Variants in PTK2 observed in about 807,000 individuals in gnomAD.
PTK2 encodes the protein protein tyrosine kinase 2.
In PTK2, 45 loss-of-function variants were observed where a neutral mutation model predicts 150.1. The ratio of observed to expected loss-of-function variants is 0.30; its 90% CI spans 0.24 to 0.38. The LOEUF is 0.38. Ranked by LOEUF, PTK2 falls within the 10% of genes least tolerant of loss-of-function variation. The pLI is 1.00. For missense variants in PTK2, 919 were observed against 1,307.3 expected, an observed-to-expected ratio of 0.70 and a Z score of 4.58; for synonymous variants, 432 against 449.2, an observed-to-expected ratio of 0.96 and a Z score of 0.48.
chr8:140,954,374 C>T (rs1326996259), intron 1 of PTK2, among the ~76,000 whole-genome samples: 1 of 152,180 alleles, frequency 6.6e-6, no homozygotes, highest in Non-Finnish European at 1.5e-5. Flanking sequence ...CCGGCCGTAA[C>T]TTAGTATCCT....
intron 1 of PTK2, among the ~76,000 whole-genome samples, chr8:140,944,782 T>C (rs563264438): frequency 5.3e-5 from 8 of 152,330 alleles, no homozygotes; most frequent in African/African-American, 1.4e-4. Flanking sequence ...AGAAGTCCCA[T>C]GCATTTACAC....
intron 22 of PTK2, among the ~76,000 whole-genome samples, chr8:140,732,370 CA>C (rs1268233156): frequency 1.3e-4 from 20 of 152,204 alleles, no homozygotes; most frequent in Admixed American, 1.3e-3. Flanking sequence ...AATTATACTA[CA>C]GGTACCTATT....
At chr8:140,669,505 A>C (rs886803311) in intron 29 of PTK2, 1 of 523,184 alleles carries the variant, frequency 1.9e-6, no homozygotes, top group Non-Finnish European at 3.3e-6. Flanking sequence ...TGGGTATGAG[A>C]TAGAAAAGCA....
At chr8:140,733,830 G>C (rs1370055156) in intron 22 of PTK2, among the ~76,000 whole-genome samples, 1 of 152,170 alleles carries the variant, frequency 6.6e-6, no homozygotes, top group African/African-American at 2.4e-5. Context: ...GTGTGTGAGA[G>C]TTATGGGGAC....
At chr8:140,767,424 A>G (rs1312805606) in intron 14 of PTK2, among the ~76,000 whole-genome samples, 1 of 136,402 alleles carries the variant, frequency 7.3e-6, no homozygotes, top group South Asian at 2.4e-4. Flanking sequence ...ATGATCTGCA[A>G]AAGTTTATAA....
rs780931637 is a variant in PTK2 at position 140,864,315 on chromosome 8, T to C, written c.447A>G (p.Gln149=). ...ATATGAAAGCAGTCTCTAATACCTG[T>C]TGATAGAAGAAATTCAAAGTTGGCT... is the stretch of plus-strand genomic sequence containing the variant. The change falls in exon 5 of 32, where the codon CAA becomes CAG. Residue 149 remains glutamine (Q), a synonymous_variant. Transcript: ENST00000522684. 9 of 1,575,080 alleles carry C rather than the reference T, an allele frequency of 5.7e-6. No homozygotes were observed. In the Admixed American group the frequency reaches 9.0e-5, roughly 16 times the overall value.
intron 4 of PTK2, among the ~76,000 whole-genome samples, chr8:140,873,880 C>T (rs117969008): frequency 3.3e-5 from 5 of 152,300 alleles, no homozygotes; most frequent in South Asian, 2.1e-4. Flanking sequence ...ATATCTTTTG[C>T]GGAATGTCCT....
chr8:140,860,386 C>T (rs1238270813), intron 5 of PTK2, among the ~76,000 whole-genome samples: 2 of 152,186 alleles, frequency 1.3e-5, no homozygotes, highest in African/African-American at 2.4e-5. Flanking sequence ...GTAAAGATGG[C>T]AGTCAACAGG....
At chr8:140,949,302 T>A (rs2154609049) in intron 1 of PTK2, among the ~76,000 whole-genome samples, 1 of 152,328 alleles carries the variant, frequency 6.6e-6, no homozygotes, top group East Asian at 1.9e-4. Context: ...TGGAAGCCAG[T>A]CTGGAGGGGC....
At chr8:140,725,886 A>T (rs2100045468) in intron 22 of PTK2, among the ~76,000 whole-genome samples, 1 of 151,802 alleles carries the variant, frequency 6.6e-6, no homozygotes, top group Non-Finnish European at 1.5e-5. Flanking sequence ...CATTCTCAAG[A>T]GGAAAAAAAA....
intron 30 of PTK2, 67 bp from the exon 35 acceptor site, chr8:140,665,064 T>A: frequency 7.2e-7 from 1 of 1,386,986 alleles, no homozygotes; most frequent in Non-Finnish European, 9.9e-7. Flanking sequence ...TTCAGTTATA[T>A]ATTTTTTTAT....
chr8:140,880,019 A>C (rs768206939), intron 3 of PTK2, among the ~76,000 whole-genome samples: 3 of 152,216 alleles, frequency 2.0e-5, no homozygotes, highest in Non-Finnish European at 4.4e-5. Context: ...TCTAAGGTCC[A>C]GACCCAAGGA....
intron 24 of PTK2, among the ~76,000 whole-genome samples, chr8:140,704,837 T>C (rs2154132018): frequency 6.6e-6 from 1 of 152,258 alleles, no homozygotes; most frequent in Non-Finnish European, 1.5e-5. Flanking sequence ...TGTGAGCTCC[T>C]TCCATGAGAA....
At chr8:140,713,989 A>T (rs2100038154) in intron 23 of PTK2, among the ~76,000 whole-genome samples, 1 of 152,182 alleles carries the variant, frequency 6.6e-6, no homozygotes, top group Admixed American at 6.5e-5. Context: ...CCTGGGCTCA[A>T]ACGATCCTCC....
At chr8:140,869,910 ACTTT>A (rs1290770235) in intron 4 of PTK2, among the ~76,000 whole-genome samples, 10 of 146,004 alleles carry the variant, frequency 6.8e-5, no homozygotes, top group South Asian at 2.3e-4. Context: ...ACAGTTGAAT[ACTTT>A]CTTTGAGATG....
intron 2 of PTK2, among the ~76,000 whole-genome samples, chr8:140,903,549 G>C (rs965937447): frequency 5.3e-5 from 8 of 152,132 alleles, no homozygotes; most frequent in African/African-American, 1.9e-4. Context: ...GAAAGTCAAT[G>C]GGAGCTTCAT....
rs1482441673 is a variant in PTK2 at position 140,715,175 on chromosome 8, T to A, written c.2142+2423A>T. Among the ~76,000 whole-genome samples, 30 of 129,930 alleles carry A rather than the reference T, an allele frequency of 2.3e-4. 1 individual carries two copies. The highest frequency in any genetic ancestry group is 4.2e-4 in the Non-Finnish European group (26 of 61,734). The allele number at this position is 129,930 out of a possible 152,430, so 85.2% of individuals were successfully genotyped here. A position where few individuals can be genotyped will look rare whatever the true frequency, so the allele number is the denominator to read the frequency against. On this transcript the variant is annotated intron_variant, in intron 23 of 31. Coordinates refer to ENST00000522684, the Ensembl canonical transcript of PTK2. ...AAACCGTTTTTTTTTTTTTTTTTTT[T>A]TTTTTTTTTTTTTTTTTGAGAGAGT... is the stretch of plus-strand genomic sequence containing the variant.
At chr8:141,001,136 C>T (rs2100200118) in exon 1 of PTK2, 2 of 151,348 alleles carry the variant, frequency 1.3e-5, no homozygotes, top group Non-Finnish European at 3.0e-5. Flanking sequence ...CGGACCGCGG[C>T]TCGGCGCCGT....
chr8:140,714,901 C>T (rs1039332785), intron 23 of PTK2, among the ~76,000 whole-genome samples: 5 of 149,674 alleles, frequency 3.3e-5, no homozygotes, highest in African/African-American at 1.2e-4. Context: ...ATTCTCACTT[C>T]ACAAAGTATA....
Sources: gnomAD v4.1 joint callset for allele counts (sites outside exome capture counted in the v4.1 genomes callset) on GRCh38, gnomAD v4.1.1 for gene constraint, MANE v1.5 for transcripts, NCBI Gene and HGNC (gene_info 2026-07-23, HGNC 2026-07-21) for gene names.